The following RBMS3 variants were observed in gnomAD, a reference collection of about 807,000 sequenced individuals.
RBMS3 encodes RNA-binding motif, single-stranded-interacting protein 3.
In RBMS3, 27 loss-of-function variants were observed where a neutral mutation model predicts 66.8. The ratio of observed to expected loss-of-function variants is 0.40; its 90% CI spans 0.30 to 0.56. RBMS3 has a LOEUF of 0.56. Ranked by LOEUF, RBMS3 falls within the 20% of genes least tolerant of loss-of-function variation. The pLI, the probability that RBMS3 is intolerant of heterozygous loss-of-function variation, is 0.40. For missense variants in RBMS3, 513 were observed against 549.5 expected, an observed-to-expected ratio of 0.93 and a Z score of 0.66; for synonymous variants, 188 against 183.0, an observed-to-expected ratio of 1.03 and a Z score of -0.22.
chr3:29,463,428 G>A (rs1023749162), intron 2 of RBMS3, among the ~76,000 whole-genome samples: 2 of 152,136 alleles, frequency 1.3e-5, no homozygotes, highest in Non-Finnish European at 2.9e-5. Flanking sequence ...AGCTACATGT[G>A]TGGTTTTTGA....
At chr3:29,582,418 C>A (rs1254685026) in intron 3 of RBMS3, among the ~76,000 whole-genome samples, 1 of 152,190 alleles carries the variant, frequency 6.6e-6, no homozygotes, top group East Asian at 1.9e-4. Context: ...CTGGCCTTCT[C>A]CCCCTGACAA....
intron 4 of RBMS3, among the ~76,000 whole-genome samples, chr3:29,591,675 A>G (rs900829788): frequency 3.9e-4 from 60 of 152,342 alleles, no homozygotes; most frequent in African/African-American, 1.3e-3. Context: ...ATGGGTCTAC[A>G]TATTAAACAG....
At chr3:29,290,529 A>T (rs1169700463) in intron 1 of RBMS3, 1 of 151,898 alleles carries the variant, frequency 6.6e-6, no homozygotes, top group African/African-American at 2.4e-5. Flanking sequence ...TTACCAATGT[A>T]CACCAATTCT....
intron 11 of RBMS3, among the ~76,000 whole-genome samples, chr3:29,943,742 A>T (rs552549229): frequency 7.9e-5 from 12 of 151,892 alleles, no homozygotes; most frequent in African/African-American, 2.9e-4. Flanking sequence ...TTTGCCTTCA[A>T]AATGTGTTAG....
intron 14 of RBMS3, among the ~76,000 whole-genome samples, chr3:30,003,473 C>T (rs1051914010): frequency 1.3e-5 from 2 of 151,868 alleles, no homozygotes; most frequent in Admixed American, 6.6e-5. Context: ...TGTAAATGTA[C>T]GTGATGAATA....
intron 6 of RBMS3, among the ~76,000 whole-genome samples, chr3:29,788,291 G>C (rs1471231495): frequency 2.0e-5 from 3 of 151,020 alleles, no homozygotes; most frequent in Admixed American, 6.6e-5. Context: ...AGTGGCGCCA[G>C]CTTGGCTCAC....
At chr3:29,844,987 G>T (rs1268930303) in intron 6 of RBMS3, among the ~76,000 whole-genome samples, 2 of 152,152 alleles carry the variant, frequency 1.3e-5, no homozygotes, top group African/African-American at 4.8e-5. Context: ...TATAGAAATT[G>T]CAGCCTCTGA....
At chr3:29,547,807 A>ATTTTTTTTTTTTTTTTTTTTTTTTTTTT (rs3043400) in intron 3 of RBMS3, among the ~76,000 whole-genome samples, 1 of 93,298 alleles carries the variant, frequency 1.1e-5, no homozygotes, top group Admixed American at 1.2e-4. Flanking sequence ...TTGTGGATTG[A>ATTTTTTTTTTTTTTTTTTTTTTTTTTTT]TTTTTTTTTT....
chr3:29,700,828 T>C (rs2052533985), intron 4 of RBMS3, among the ~76,000 whole-genome samples: 1 of 147,080 alleles, frequency 6.8e-6, no homozygotes, highest in African/African-American at 2.6e-5. Context: ...GCAAGTAATC[T>C]GGTTAGAGGA....
intron 6 of RBMS3, among the ~76,000 whole-genome samples, chr3:29,796,116 A>G (rs920650936): frequency 2.0e-5 from 3 of 152,246 alleles, no homozygotes; most frequent in Admixed American, 6.5e-5. Context: ...TTCCCAGTGC[A>G]TGTAAAAGCT....
intron 2 of RBMS3, among the ~76,000 whole-genome samples, chr3:29,485,688 T>C (rs528748982): frequency 2.0e-5 from 3 of 152,288 alleles, no homozygotes; most frequent in African/African-American, 7.2e-5. Flanking sequence ...TAGTATTTTA[T>C]CTCCTCTAGC....
intron 6 of RBMS3, among the ~76,000 whole-genome samples, chr3:29,831,473 T>TA (rs1331000326): frequency 1.3e-5 from 2 of 152,128 alleles, no homozygotes; most frequent in Non-Finnish European, 2.9e-5. Context: ...AAAATAATAC[T>TA]AAATGACCCA....
intron 12 of RBMS3, among the ~76,000 whole-genome samples, chr3:29,987,399 C>T (rs1057137308): frequency 3.3e-5 from 5 of 152,046 alleles, no homozygotes; most frequent in Admixed American, 2.6e-4. Flanking sequence ...TTCTTCATTG[C>T]AAAAATACAA....
At chr3:29,897,208 A>G (rs2149602749) in intron 8 of RBMS3, among the ~76,000 whole-genome samples, 171 bp from the exon 9 acceptor site, 1 of 151,624 alleles carries the variant, frequency 6.6e-6, no homozygotes, top group East Asian at 2.0e-4. Flanking sequence ...GGAGCTACTT[A>G]TTTCTCTTAG....
At chr3:29,323,726 A>ACCCCC (rs545150023) in intron 1 of RBMS3, among the ~76,000 whole-genome samples, 1 of 140,604 alleles carries the variant, frequency 7.1e-6, no homozygotes, top group Non-Finnish European at 1.6e-5. Context: ...ACACACACAC[A>ACCCCC]CCCCTTGGAC....
intron 6 of RBMS3, among the ~76,000 whole-genome samples, chr3:29,829,797 C>T (rs943538055): frequency 6.6e-6 from 1 of 151,142 alleles, no homozygotes; most frequent in Non-Finnish European, 1.5e-5. Flanking sequence ...AATGGTCTTA[C>T]AGCAGACTAG....
At chr3:29,338,829 T>A (rs955564280) in intron 1 of RBMS3, among the ~76,000 whole-genome samples, 9 of 152,122 alleles carry the variant, frequency 5.9e-5, no homozygotes, top group Non-Finnish European at 5.9e-5. Flanking sequence ...AACCACCGTA[T>A]CAGCTATTAC....
intron 2 of RBMS3, among the ~76,000 whole-genome samples, chr3:29,435,650 T>C (rs896297563): frequency 5.9e-5 from 9 of 152,326 alleles, no homozygotes; most frequent in Admixed American, 3.9e-4. Context: ...TTAAGAATCA[T>C]AGACCTGGCC....
intron 1 of RBMS3, among the ~76,000 whole-genome samples, chr3:29,283,449 T>A (rs544996644): frequency 6.6e-6 from 1 of 152,258 alleles, no homozygotes; most frequent in East Asian, 1.9e-4. Context: ...GGATGAGCTA[T>A]ACTAGTAGAA....
Sources: allele counts gnomAD v4.1 joint callset (sites outside exome capture counted in the v4.1 genomes callset), GRCh38; gene constraint gnomAD v4.1.1; transcripts MANE v1.5; gene names NCBI Gene and HGNC (gene_info 2026-07-23, HGNC 2026-07-21).